The following LRRC4C variants were observed in gnomAD, a reference collection of about 807,000 sequenced individuals.
LRRC4C encodes the protein leucine-rich repeat-containing protein 4C.
In LRRC4C, 5 loss-of-function variants were observed where a neutral mutation model predicts 33.6. That is an observed-to-expected ratio of 0.15 (90% CI 0.08 to 0.31). LRRC4C has a LOEUF of 0.31. LRRC4C is among the 10% of genes least tolerant of loss of function. LRRC4C has a pLI of 1.00. For missense variants in LRRC4C, 560 were observed against 796.7 expected (o/e 0.70, Z 3.58); for synonymous variants, 329 against 302.0 (o/e 1.09, Z -0.93).
intron 1 of LRRC4C, among the ~76,000 whole-genome samples, chr11:41,159,899 A>C (rs986382248): frequency 2.0e-5 from 3 of 152,234 alleles, no homozygotes; most frequent in South Asian, 2.1e-4. Flanking sequence ...TTTTAGTGGA[A>C]TATTATAGAG....
chr11:41,355,732 A>G (rs1952138621), intron 1 of LRRC4C, among the ~76,000 whole-genome samples: 1 of 152,122 alleles, frequency 6.6e-6, no homozygotes, highest in Non-Finnish European at 1.5e-5. Flanking sequence ...TACAGTATCC[A>G]TTTTTGGGGA....
intron 2 of LRRC4C, among the ~76,000 whole-genome samples, chr11:40,880,396 T>C (rs1381004666): frequency 6.6e-6 from 1 of 152,132 alleles, no homozygotes; most frequent in East Asian, 1.9e-4. Context: ...TTGACTCTTG[T>C]AGGAGTTTGA....
At chr11:40,476,283 G>C (rs1221958060) in intron 3 of LRRC4C, among the ~76,000 whole-genome samples, 1 of 150,840 alleles carries the variant, frequency 6.6e-6, no homozygotes, top group Non-Finnish European at 1.5e-5. Flanking sequence ...TTAACCAAAA[G>C]AGTCTTGACT....
chr11:40,451,298 A>C (rs1199257532), intron 3 of LRRC4C, among the ~76,000 whole-genome samples: 1 of 151,412 alleles, frequency 6.6e-6, no homozygotes, highest in African/African-American at 2.4e-5. Flanking sequence ...CAAAAAAGAA[A>C]TAAGACTCAA....
chr11:40,212,793 T>C (rs1001743319), intron 5 of LRRC4C, among the ~76,000 whole-genome samples: 21 of 152,076 alleles, frequency 1.4e-4, no homozygotes, highest in African/African-American at 5.1e-4. Context: ...GACGTCAAGA[T>C]TGGAATCCAA....
chr11:40,368,472 A>G (rs908927303), intron 3 of LRRC4C, among the ~76,000 whole-genome samples: 1 of 152,174 alleles, frequency 6.6e-6, no homozygotes, highest in African/African-American at 2.4e-5. Context: ...GAACATTTTT[A>G]CAAGTGTTTA....
intron 1 of LRRC4C, among the ~76,000 whole-genome samples, chr11:41,043,107 G>T (rs1388141298): frequency 7.7e-6 from 1 of 129,608 alleles, no homozygotes; most frequent in African/African-American, 3.0e-5. Context: ...GACGAGGAAG[G>T]GATTGAATTC....
At position 40,703,950 on chromosome 11, in the gene LRRC4C, G is replaced by T. The variant is rs1052038554; in HGVS notation, c.-406-55672C>A. 3.3e-5 allele frequency among the ~76,000 whole-genome samples: 5 copies of T among 152,128 alleles called. No individual in the cohort carries two copies. In the East Asian group the frequency reaches 9.6e-4, roughly 29 times the overall value. On this transcript the variant is annotated intron_variant, in intron 2 of 6. Coordinates refer to ENST00000528697, the MANE Select transcript of LRRC4C (RefSeq NM_001258419.2). ...GAATAATTGCATAGAAAATGTATTT[G>T]ATATTTAAATGCTCAGTTATGGTTA...
chr11:40,508,084 A>G (rs1415190221), intron 3 of LRRC4C, among the ~76,000 whole-genome samples: 1 of 152,158 alleles, frequency 6.6e-6, no homozygotes, highest in Non-Finnish European at 1.5e-5. Flanking sequence ...TCCCTCCAAT[A>G]GCATACTCTG....
At chr11:40,545,504 G>C (rs1458070694) in intron 3 of LRRC4C, among the ~76,000 whole-genome samples, 2 of 151,994 alleles carry the variant, frequency 1.3e-5, no homozygotes, top group Non-Finnish European at 2.9e-5. Context: ...TTGATAGCTG[G>C]AAGGGAAAGT....
intron 2 of LRRC4C, among the ~76,000 whole-genome samples, chr11:40,866,859 C>T (rs1267830913): frequency 1.3e-5 from 2 of 152,140 alleles, no homozygotes; most frequent in African/African-American, 2.4e-5. Flanking sequence ...CATTCTCCAT[C>T]CTGTAGCCTC....
chr11:40,494,765 G>T (rs1488270132), intron 3 of LRRC4C, among the ~76,000 whole-genome samples: 2 of 152,196 alleles, frequency 1.3e-5, no homozygotes, highest in Non-Finnish European at 2.9e-5. Context: ...GTGAAGAGTT[G>T]TTGAGCAGCT....
intron 1 of LRRC4C, among the ~76,000 whole-genome samples, chr11:41,119,816 T>G (rs1482592631): frequency 2.0e-5 from 3 of 152,174 alleles, no homozygotes; most frequent in Non-Finnish European, 4.4e-5. Flanking sequence ...TCCAAACTAT[T>G]GAAATAAATA....
intron 3 of LRRC4C, among the ~76,000 whole-genome samples, chr11:40,617,911 C>T (rs1297678037): frequency 6.6e-6 from 1 of 151,560 alleles, no homozygotes; most frequent in Admixed American, 6.6e-5. Context: ...AAGCAAGAGA[C>T]TTTTTGAAAT....
chr11:40,852,197 G>T (rs1159911195), intron 2 of LRRC4C, among the ~76,000 whole-genome samples: 3 of 151,542 alleles, frequency 2.0e-5, no homozygotes, highest in African/African-American at 7.3e-5. Flanking sequence ...TTTCTAAATG[G>T]TATTTAAGTA....
At chr11:41,056,933 A>G (rs1383472267) in intron 1 of LRRC4C, among the ~76,000 whole-genome samples, 52 of 152,212 alleles carry the variant, frequency 3.4e-4, no homozygotes, top group Non-Finnish European at 1.5e-5. Flanking sequence ...TGGGAACCCC[A>G]CCCCTACTCA....
At chr11:40,744,430 A>G (rs1948316360) in intron 2 of LRRC4C, among the ~76,000 whole-genome samples, 1 of 152,180 alleles carries the variant, frequency 6.6e-6, no homozygotes, top group Non-Finnish European at 1.5e-5. Flanking sequence ...ACCAACAGAT[A>G]AGATGGTGTG....
intron 3 of LRRC4C, among the ~76,000 whole-genome samples, chr11:40,366,821 T>A (rs1948227168): frequency 6.6e-6 from 1 of 152,100 alleles, no homozygotes; most frequent in Admixed American, 6.6e-5. Flanking sequence ...ACAAGGTATC[T>A]GACCTTATGC....
intron 2 of LRRC4C, among the ~76,000 whole-genome samples, chr11:40,709,771 C>G (rs1465884338): frequency 1.3e-5 from 2 of 152,166 alleles, no homozygotes; most frequent in Admixed American, 6.6e-5. Context: ...TGGATAATAT[C>G]CTGAAGAGTG....
Sources: gnomAD v4.1 joint callset for allele counts (sites outside exome capture counted in the v4.1 genomes callset) on GRCh38, gnomAD v4.1.1 for gene constraint, MANE v1.5 for transcripts, NCBI Gene and HGNC (gene_info 2026-07-23, HGNC 2026-07-21) for gene names.